The following CTNNA3 variants were observed in gnomAD, a reference collection of about 807,000 sequenced individuals.
CTNNA3 encodes catenin alpha 3, also known as catenin alpha-3.
In CTNNA3, 76 loss-of-function variants were observed where a neutral mutation model predicts 95.7. That is an observed-to-expected ratio of 0.79 (90% CI 0.66 to 0.96). CTNNA3 has a LOEUF of 0.96. Ranked by LOEUF, CTNNA3 falls within the 40% of genes least tolerant of loss-of-function variation. The pLI is 0.00. For synonymous variants in CTNNA3, 431 were observed against 374.4 expected, an observed-to-expected ratio of 1.15 and a Z score of -1.74; for missense variants, 1,191 against 1,089.8, an observed-to-expected ratio of 1.09 and a Z score of -1.31.
intron 1 of CTNNA3, among the ~76,000 whole-genome samples, chr10:67,726,890 C>T (rs1473233800): frequency 9.0e-6 from 1 of 111,150 alleles, no homozygotes; most frequent in Non-Finnish European, 1.6e-5. Context: ...TATAATGATA[C>T]ATCATATATG....
chr10:67,370,799 A>C (rs767109292), intron 5 of CTNNA3, among the ~76,000 whole-genome samples: 1 of 152,108 alleles, frequency 6.6e-6, no homozygotes, highest in African/African-American at 2.4e-5. Flanking sequence ...CAGAGAAAAA[A>C]CAGATGAAAA....
At chr10:66,964,574 C>A (rs7914157) in intron 7 of CTNNA3, among the ~76,000 whole-genome samples, 26,028 of 152,018 alleles carry the variant, frequency 0.17, 2,339 homozygotes, top group Non-Finnish European at 0.18. Context: ...GGCTCTTGGG[C>A]ACTTTCATCA....
chr10:67,242,357 T>G (rs1865747798), intron 5 of CTNNA3, among the ~76,000 whole-genome samples: 1 of 152,218 alleles, frequency 6.6e-6, no homozygotes, highest in Non-Finnish European at 1.5e-5. Flanking sequence ...ATATGGCATA[T>G]TTGTAGACTA....
At chr10:67,613,629 GCCC>G (rs60385545) in intron 2 of CTNNA3, among the ~76,000 whole-genome samples, 1 of 150,790 alleles carries the variant, frequency 6.6e-6, no homozygotes, top group Non-Finnish European at 1.5e-5. Context: ...GTCTTTTTTT[GCCC>G]CCCCCAACAA....
chr10:67,524,132 G>A lies in CTNNA3; in HGVS notation c.460-2171C>T, dbSNP rs938417364. Among the ~76,000 whole-genome samples the A allele has an allele frequency of 2.0e-5, 3 of 152,188 alleles. No homozygotes were observed. The South Asian group carries it at 6.2e-4, about 32-fold the overall frequency. On this transcript the variant is annotated intron_variant, in intron 4 of 17. Transcript: ENST00000433211. ...AAGAGTGTTCAAAATAGCCGGGCGC[G>A]GTGGCTCACGCCTGTAATCCCAGCA...
At chr10:66,410,392 C>T (rs1455174705) in intron 11 of CTNNA3, among the ~76,000 whole-genome samples, 1 of 152,138 alleles carries the variant, frequency 6.6e-6, no homozygotes, top group Admixed American at 6.5e-5. Flanking sequence ...TCTAGAAAAA[C>T]CAAAGGGGCA....
chr10:66,106,857 C>A (rs996442845), intron 13 of CTNNA3, among the ~76,000 whole-genome samples: 1 of 152,104 alleles, frequency 6.6e-6, no homozygotes, highest in African/African-American at 2.4e-5. Context: ...ATGTTTCTGT[C>A]CTTTAGATTC....
At position 67,428,010 on chromosome 10, in the gene CTNNA3, C is replaced by G. The variant is rs143801389; in HGVS notation, c.579+93832G>C. ...TTTCCCATGAAAAGTCTTCTTCCCC[C>G]TCAGGTCTCCCATAGAAATTCAGTC... On this transcript the variant is annotated intron_variant, in intron 5 of 17. Coordinates refer to ENST00000433211, the MANE Select transcript of CTNNA3 (RefSeq NM_013266.4). Among the ~76,000 whole-genome samples the G allele has an allele frequency of 5.2e-3, 794 of 152,156 alleles. 11 individuals are homozygous for G. The highest frequency in any genetic ancestry group is 0.018 in the African/African-American group (753 of 41,526).
At chr10:67,504,082 A>G (rs1013748493) in intron 5 of CTNNA3, among the ~76,000 whole-genome samples, 7 of 150,708 alleles carry the variant, frequency 4.6e-5, no homozygotes, top group East Asian at 2.0e-4. Flanking sequence ...GTGTGAACCC[A>G]GAAGGTGGAG....
At chr10:66,698,055 G>A (rs10822890) in intron 9 of CTNNA3, among the ~76,000 whole-genome samples, 48,591 of 151,970 alleles carry the variant, frequency 0.32, 8,719 homozygotes, top group East Asian at 0.58. Flanking sequence ...TTTCCTTTCA[G>A]AGATGTATGG....
At chr10:66,550,180 A>C (rs1482209224) in intron 10 of CTNNA3, among the ~76,000 whole-genome samples, 1 of 152,148 alleles carries the variant, frequency 6.6e-6, no homozygotes, top group Non-Finnish European at 1.5e-5. Flanking sequence ...TTATCATGAT[A>C]AAATTTTTAC....
At chr10:66,572,595 A>G (rs1261729409) in intron 10 of CTNNA3, among the ~76,000 whole-genome samples, 1 of 151,610 alleles carries the variant, frequency 6.6e-6, no homozygotes, top group Middle Eastern at 3.2e-3. Context: ...GAAATAAACC[A>G]AAATAACCTA....
At position 67,454,457 on chromosome 10, in the gene CTNNA3, T is replaced by C. The variant is rs75571060; in HGVS notation, c.579+67385A>G. ...AGAGAAAAGAAGAACTAAAGCAATC[T>C]AGCTTTTCCCATATGCAAACGTCTA... On this transcript the variant is annotated intron_variant, in intron 5 of 17. Coordinates refer to ENST00000433211, the MANE Select transcript of CTNNA3 (RefSeq NM_013266.4). Among the ~76,000 whole-genome samples, 4,023 of 152,222 alleles carry C rather than the reference T, an allele frequency of 0.026. 389 individuals carry two copies. In the East Asian group the frequency reaches 0.34, roughly 13 times the overall value.
At chr10:67,058,623 G>A (rs556390209) in intron 7 of CTNNA3, among the ~76,000 whole-genome samples, 213 of 151,922 alleles carry the variant, frequency 1.4e-3, no homozygotes, top group African/African-American at 4.9e-3. Context: ...TTTTCTGTGC[G>A]CAGAAGCCCA....
At chr10:67,128,584 A>T (rs1405542196) in intron 7 of CTNNA3, among the ~76,000 whole-genome samples, 1 of 152,160 alleles carries the variant, frequency 6.6e-6, no homozygotes, top group African/African-American at 2.4e-5. Flanking sequence ...TTGTTCCTTT[A>T]ACAGCTTTAC....
At chr10:67,027,122 A>C in intron 7 of CTNNA3, among the ~76,000 whole-genome samples, 2 of 152,156 alleles carry the variant, frequency 1.3e-5, no homozygotes, top group East Asian at 3.9e-4. Flanking sequence ...GCATCTCTAG[A>C]ATTCTGCTGA....
intron 3 of CTNNA3, among the ~76,000 whole-genome samples, chr10:67,576,873 A>G (rs1289229484): frequency 9.0e-6 from 1 of 111,292 alleles, no homozygotes; most frequent in Non-Finnish European, 1.6e-5. Flanking sequence ...GTCCCTGCAA[A>G]GGACATGAAC....
intron 7 of CTNNA3, among the ~76,000 whole-genome samples, chr10:67,063,136 C>T (rs1426942651): frequency 6.6e-6 from 1 of 152,076 alleles, no homozygotes. Context: ...TATCAGACTA[C>T]CAGGAAAACA....
intron 13 of CTNNA3, among the ~76,000 whole-genome samples, chr10:66,161,456 A>G (rs2084840209): frequency 1.3e-5 from 2 of 152,264 alleles, no homozygotes; most frequent in Admixed American, 6.5e-5. Flanking sequence ...TTCATGTATG[A>G]TGCTTAGTTT....
Sources: gnomAD v4.1 joint callset for allele counts (sites outside exome capture counted in the v4.1 genomes callset) on GRCh38, gnomAD v4.1.1 for gene constraint, MANE v1.5 for transcripts, NCBI Gene and HGNC (gene_info 2026-07-23, HGNC 2026-07-21) for gene names.